PTPRK: variants seen among roughly 807,000 people sequenced by gnomAD.
The protein encoded by PTPRK is receptor-type tyrosine-protein phosphatase kappa.
Under a neutral mutation model 178.0 loss-of-function variants are expected in PTPRK, and 75 were observed. The ratio of observed to expected loss-of-function variants is 0.42; its 90% CI spans 0.35 to 0.51. The LOEUF (loss-of-function observed/expected upper bound fraction) is 0.51, where lower values mean the gene tolerates loss of function less well. PTPRK is among the 20% of genes least tolerant of loss of function. The pLI is 0.02. For synonymous variants in PTPRK, 637 were observed against 620.6 expected, an observed-to-expected ratio of 1.03 and a Z score of -0.39; for missense variants, 1,441 against 1,797.8, an observed-to-expected ratio of 0.80 and a Z score of 3.59.
intron 1 of PTPRK, among the ~76,000 whole-genome samples, chr6:128,464,085 A>G (rs1248144629): frequency 6.6e-6 from 1 of 152,088 alleles, no homozygotes; most frequent in Admixed American, 6.6e-5. Context: ...TGATTCCTCC[A>G]TGAATTACAT....
intron 11 of PTPRK, among the ~76,000 whole-genome samples, chr6:128,078,059 G>C (rs1784146455): frequency 6.6e-6 from 1 of 151,750 alleles, no homozygotes; most frequent in African/African-American, 2.4e-5. Context: ...TTACTGCATT[G>C]GACAGGAGTT....
intron 7 of PTPRK, among the ~76,000 whole-genome samples, chr6:128,163,526 G>A (rs942522398): frequency 6.6e-6 from 1 of 151,274 alleles, no homozygotes; most frequent in Non-Finnish European, 1.5e-5. Flanking sequence ...ATCACATTTG[G>A]AATAGAATAA....
At chr6:127,977,200 G>A in intron 25 of PTPRK, 146 bp from the exon 26 acceptor site, 1 of 765,510 alleles carries the variant, frequency 1.3e-6, no homozygotes, top group Non-Finnish European at 2.1e-6. Flanking sequence ...ATTAAACCAT[G>A]GAATAGGAGA....
intron 1 of PTPRK, among the ~76,000 whole-genome samples, chr6:128,513,075 T>C (rs987942245): frequency 4.6e-4 from 70 of 152,348 alleles, no homozygotes; most frequent in Non-Finnish European, 3.7e-4. Flanking sequence ...TTTTAGTCTC[T>C]TATGAAAATA....
intron 13 of PTPRK, among the ~76,000 whole-genome samples, chr6:128,015,404 G>T (rs1399642060): frequency 6.6e-6 from 1 of 151,620 alleles, no homozygotes; most frequent in Non-Finnish European, 1.5e-5. Context: ...AAACACAGTT[G>T]ATTCTATCTG....
At chr6:128,287,063 G>A (rs1227727407) in intron 3 of PTPRK, among the ~76,000 whole-genome samples, 1 of 152,052 alleles carries the variant, frequency 6.6e-6, no homozygotes, top group Non-Finnish European at 1.5e-5. Flanking sequence ...AATCTCTGGA[G>A]GTGTTTCTTT....
chr6:128,330,849 GAAAAACAAAAACAAAAACAAAAAC>G lies in PTPRK; in HGVS notation c.224-8563_224-8540del, dbSNP rs5879887. Among the ~76,000 whole-genome samples, 3 of 148,246 alleles carry G rather than the reference GAAAAACAAAAACAAAAACAAAAAC, an allele frequency of 2.0e-5. No individual in the cohort carries two copies. The East Asian group carries it at 6.0e-4, about 30-fold the overall frequency. ...TTCAGATACAATGGGCTTTTTTTCTGAAAAACAAAAACAAAAACAAAAACAAAAACAAAAACAAAACAAAACAAA... is the reference window on the plus strand; with the variant it reads ...TTCAGATACAATGGGCTTTTTTTCTGAAAAACAAAAACAAAACAAAACAAA... On this transcript the variant is annotated intron_variant, in intron 2 of 29. Coordinates refer to ENST00000368226, the MANE Select transcript of PTPRK (RefSeq NM_002844.4).
chr6:128,493,288 C>G (rs111682460), intron 1 of PTPRK, among the ~76,000 whole-genome samples: 1 of 152,164 alleles, frequency 6.6e-6, no homozygotes, highest in Non-Finnish European at 1.5e-5. Flanking sequence ...ACTGGCTGGG[C>G]GCGGTGGCTC....
At chr6:128,090,269 T>C (rs1786693703) in intron 7 of PTPRK, among the ~76,000 whole-genome samples, 1 of 152,206 alleles carries the variant, frequency 6.6e-6, no homozygotes, top group South Asian at 2.1e-4. Flanking sequence ...GTAGCCGCCA[T>C]GCATTTATAG....
chr6:128,008,718 A>G (rs924139073), intron 14 of PTPRK, among the ~76,000 whole-genome samples: 5 of 151,154 alleles, frequency 3.3e-5, no homozygotes, highest in Admixed American at 6.6e-5. Flanking sequence ...TTCTTCTCAT[A>G]TCTTATTTGT....
intron 1 of PTPRK, among the ~76,000 whole-genome samples, chr6:128,415,258 A>C (rs564520382): frequency 3.9e-4 from 60 of 152,292 alleles, no homozygotes; most frequent in African/African-American, 1.1e-3. Context: ...CAAGAATTCT[A>C]TGTGAAAATT....
At chr6:128,393,477 A>T (rs1330065459) in intron 2 of PTPRK, among the ~76,000 whole-genome samples, 1 of 152,230 alleles carries the variant, frequency 6.6e-6, no homozygotes, top group East Asian at 1.9e-4. Context: ...TACATAGTAC[A>T]GTGGGCCGCA....
chr6:128,234,865 G>A (rs934651914), intron 5 of PTPRK, among the ~76,000 whole-genome samples: 5 of 152,088 alleles, frequency 3.3e-5, no homozygotes, highest in Admixed American at 6.5e-5. Flanking sequence ...TACACCATAT[G>A]TTCATTTTTT....
chr6:128,272,445 T>G (rs140171690), intron 3 of PTPRK, among the ~76,000 whole-genome samples: 1,545 of 152,210 alleles, frequency 0.01, 6 homozygotes, highest in Non-Finnish European at 0.017. Flanking sequence ...GAAAAAATTT[T>G]TACAATCTAC....
intron 2 of PTPRK, among the ~76,000 whole-genome samples, chr6:128,328,355 A>C (rs1829843980): frequency 6.6e-6 from 1 of 152,210 alleles, no homozygotes; most frequent in Admixed American, 6.5e-5. Flanking sequence ...TAGAAGTCTA[A>C]TAAACACTTG....
chr6:128,143,275 C>T (rs1796033167), intron 7 of PTPRK, among the ~76,000 whole-genome samples: 1 of 152,100 alleles, frequency 6.6e-6, no homozygotes, highest in Non-Finnish European at 1.5e-5. Flanking sequence ...ATATTCCTCT[C>T]CAAAGAAGTT....
chr6:128,301,764 A>G (rs538912999), intron 3 of PTPRK, among the ~76,000 whole-genome samples: 1 of 152,266 alleles, frequency 6.6e-6, no homozygotes, highest in Admixed American at 6.5e-5. Flanking sequence ...TTTACTTTAG[A>G]GTTGGAGATC....
chr6:128,483,421 A>C (rs1562613719), intron 1 of PTPRK, among the ~76,000 whole-genome samples: 1 of 152,144 alleles, frequency 6.6e-6, no homozygotes, highest in Admixed American at 6.5e-5. Flanking sequence ...TCTTATAAAA[A>C]TAATTTAATT....
intron 6 of PTPRK, among the ~76,000 whole-genome samples, chr6:128,189,235 C>CTTTT (rs71028115): frequency 9.8e-4 from 66 of 67,380 alleles, no homozygotes; most frequent in Non-Finnish European, 1.2e-3. Flanking sequence ...TACTCTTTTT[C>CTTTT]TTTTTTTTTT....
Sources: gnomAD v4.1 joint callset for allele counts (sites outside exome capture counted in the v4.1 genomes callset) on GRCh38, gnomAD v4.1.1 for gene constraint, MANE v1.5 for transcripts, NCBI Gene and HGNC (gene_info 2026-07-23, HGNC 2026-07-21) for gene names.